The following ATXN1 variants were observed in gnomAD, a reference collection of about 807,000 sequenced individuals.
ATXN1 encodes the protein ataxin 1.
In ATXN1, 8 loss-of-function variants were observed where a neutral mutation model predicts 56.4. The ratio of observed to expected loss-of-function variants is 0.14; its 90% CI spans 0.08 to 0.26. The LOEUF is 0.26. Ranked by LOEUF, ATXN1 falls within the 10% of genes least tolerant of loss-of-function variation. The probability of loss-of-function intolerance (pLI) is 1.00; values close to 1 mark genes in which losing one functional copy is unlikely to be tolerated. For synonymous variants in ATXN1, 514 were observed against 494.6 expected (o/e 1.04, Z -0.52); for missense variants, 987 against 1,106.5 (o/e 0.89, Z 1.53).
intron 2 of ATXN1, among the ~76,000 whole-genome samples, chr6:16,687,507 G>C (rs183175303): frequency 6.7e-6 from 1 of 148,964 alleles, no homozygotes; most frequent in Non-Finnish European, 1.5e-5. Flanking sequence ...CCTTGTGTCC[G>C]CAAGAGGGAA....
intron 7 of ATXN1, among the ~76,000 whole-genome samples, chr6:16,310,056 T>C (rs527811015): frequency 1.4e-5 from 2 of 142,166 alleles, no homozygotes; most frequent in South Asian, 2.2e-4. Flanking sequence ...TGGGCGACAA[T>C]AGAGAAACTC....
At chr6:16,375,888 G>A (rs1421190666) in intron 6 of ATXN1, among the ~76,000 whole-genome samples, 1 of 152,194 alleles carries the variant, frequency 6.6e-6, no homozygotes, top group Non-Finnish European at 1.5e-5. Context: ...AAGGGGCAGG[G>A]GGAAGTCTGA....
intron 4 of ATXN1, among the ~76,000 whole-genome samples, chr6:16,575,295 G>T (rs4716083): frequency 0.048 from 7,255 of 152,112 alleles, 230 homozygotes; most frequent in East Asian, 0.16. Flanking sequence ...TGCATCCATC[G>T]GTGGGACTTT....
At chr6:16,589,413 T>C (rs1314062612) in intron 3 of ATXN1, among the ~76,000 whole-genome samples, 2 of 150,954 alleles carry the variant, frequency 1.3e-5, no homozygotes, top group Non-Finnish European at 1.5e-5. Context: ...ATATATATTA[T>C]ATAATCTACA....
chr6:16,539,254 C>G (rs1053131615), intron 4 of ATXN1, among the ~76,000 whole-genome samples: 1 of 152,174 alleles, frequency 6.6e-6, no homozygotes, highest in East Asian at 1.9e-4. Context: ...TTTATCATGA[C>G]GCTTGCTTTC....
chr6:16,464,905 T>G (rs749030087), intron 6 of ATXN1, among the ~76,000 whole-genome samples: 1 of 152,158 alleles, frequency 6.6e-6, no homozygotes, highest in Non-Finnish European at 1.5e-5. Context: ...TTAATAATAA[T>G]GTATCCATAT....
chr6:16,313,919 A>C (rs960989288), intron 7 of ATXN1, among the ~76,000 whole-genome samples: 10 of 152,098 alleles, frequency 6.6e-5, no homozygotes, highest in Non-Finnish European at 1.5e-4. Context: ...TTCTTTAATC[A>C]CTTCAAAGGC....
chr6:16,474,300 C>A (rs1400337887), intron 6 of ATXN1, among the ~76,000 whole-genome samples: 5 of 152,254 alleles, frequency 3.3e-5, no homozygotes, highest in Admixed American at 3.3e-4. Context: ...AGCACTCATG[C>A]ACTGGGGCTT....
intron 2 of ATXN1, among the ~76,000 whole-genome samples, chr6:16,725,334 T>G (rs1759826400): frequency 6.6e-6 from 1 of 152,186 alleles, no homozygotes; most frequent in Non-Finnish European, 1.5e-5. Context: ...ATTGTTAATT[T>G]GTTATTGCGA....
chr6:16,525,472 A>T (rs1761372750), intron 4 of ATXN1, among the ~76,000 whole-genome samples: 1 of 152,216 alleles, frequency 6.6e-6, no homozygotes, highest in Non-Finnish European at 1.5e-5. Context: ...TCAAAAATCA[A>T]ACCTACTGAA....
chr6:16,473,917 C>T (rs776284420), intron 6 of ATXN1, among the ~76,000 whole-genome samples: 1 of 152,180 alleles, frequency 6.6e-6, no homozygotes, highest in African/African-American at 2.4e-5. Context: ...TCTAGGCTAA[C>T]GAGTGTTTTT....
At chr6:16,473,475 A>C (rs1414735693) in intron 6 of ATXN1, among the ~76,000 whole-genome samples, 1 of 152,230 alleles carries the variant, frequency 6.6e-6, no homozygotes, top group East Asian at 1.9e-4. Flanking sequence ...AGGTCAGAGA[A>C]GCATTTTGAG....
chr6:16,421,478 C>T (rs768409584), intron 6 of ATXN1, among the ~76,000 whole-genome samples: 2 of 152,106 alleles, frequency 1.3e-5, no homozygotes, highest in African/African-American at 2.4e-5. Context: ...ATGGAAAGGT[C>T]CTCAGACCTT....
At chr6:16,502,368 T>G (rs1454686098) in intron 5 of ATXN1, among the ~76,000 whole-genome samples, 1 of 152,180 alleles carries the variant, frequency 6.6e-6, no homozygotes, top group East Asian at 1.9e-4. Flanking sequence ...TTGAAAATGA[T>G]TTGTGCAGAA....
chr6:16,482,876 G>A (rs1760466843), intron 6 of ATXN1, among the ~76,000 whole-genome samples: 1 of 152,044 alleles, frequency 6.6e-6, no homozygotes, highest in East Asian at 1.9e-4. Context: ...TTGATTTTTA[G>A]GAACCCAAGA....
intron 4 of ATXN1, among the ~76,000 whole-genome samples, chr6:16,535,621 T>C (rs1761582260): frequency 6.6e-6 from 1 of 152,172 alleles, no homozygotes; most frequent in African/African-American, 2.4e-5. Flanking sequence ...GCAAAGGAGT[T>C]CTAAATAATT....
At chr6:16,712,433 T>C (rs1314218294) in intron 2 of ATXN1, among the ~76,000 whole-genome samples, 1 of 152,034 alleles carries the variant, frequency 6.6e-6, no homozygotes, top group African/African-American at 2.4e-5. Flanking sequence ...AGAACGGTGG[T>C]CTGCTACAGT....
chr6:16,606,950 G>A (rs1050896060), intron 3 of ATXN1, among the ~76,000 whole-genome samples: 4 of 144,298 alleles, frequency 2.8e-5, no homozygotes, highest in South Asian at 2.3e-4. Flanking sequence ...ACAATGGTGC[G>A]ATCTTGGCTC....
At chr6:16,642,449 C>T (rs1350530526) in intron 3 of ATXN1, among the ~76,000 whole-genome samples, 1 of 152,166 alleles carries the variant, frequency 6.6e-6, no homozygotes, top group Non-Finnish European at 1.5e-5. Context: ...ATGTAATCTA[C>T]TCCTGATGAA....
Sources: allele counts gnomAD v4.1 joint callset (sites outside exome capture counted in the v4.1 genomes callset), GRCh38; gene constraint gnomAD v4.1.1; transcripts MANE v1.5; gene names NCBI Gene and HGNC (gene_info 2026-07-23, HGNC 2026-07-21).